Variants in MEGF10 observed in about 807,000 individuals in gnomAD.
MEGF10 encodes multiple epidermal growth factor-like domains protein 10.
A neutral mutation model predicts 147.5 loss-of-function variants in MEGF10; 86 were observed. The ratio of observed to expected loss-of-function variants is 0.58; its 90% CI spans 0.49 to 0.70. The LOEUF is 0.70. Ranked by LOEUF, MEGF10 falls within the 30% of genes least tolerant of loss-of-function variation. MEGF10 has a pLI of 0.00. For synonymous variants in MEGF10, 478 were observed against 525.5 expected, an observed-to-expected ratio of 0.91 and a Z score of 1.24; for missense variants, 1,329 against 1,487.3, an observed-to-expected ratio of 0.89 and a Z score of 1.75.
chr5:127,433,232 T>G, intron 13 of MEGF10, 131 bp from the exon 14 acceptor site: 1 of 1,026,030 alleles, frequency 9.7e-7, no homozygotes, highest in Non-Finnish European at 1.5e-6. Flanking sequence ...TATAAGATGG[T>G]AACTCTCCAT....
rs934755619 is a variant in MEGF10, at chr5:127,458,121, A to G, written c.*803A>G. The G allele has an allele frequency of 2.0e-5, 3 of 152,224 alleles. No homozygotes were observed. The highest frequency in any genetic ancestry group is 7.2e-5 in the African/African-American group (3 of 41,460). The allele number at this position is 152,224 out of a possible 1,614,324, so 9.4% of individuals were successfully genotyped here. A position where few individuals can be genotyped will look rare whatever the true frequency, so the allele number is the denominator to read the frequency against. Reference sequence around the variant, plus strand: ...ATATTCACCACTTGAGATTCATAACATATCAATAGTTATTTCATAAATATA... The same window carrying G: ...ATATTCACCACTTGAGATTCATAACGTATCAATAGTTATTTCATAAATATA... On this transcript the variant is annotated 3_prime_UTR_variant, in exon 25 of 25. Coordinates refer to ENST00000503335, the MANE Select transcript of MEGF10 (RefSeq NM_001256545.2).
intron 4 of MEGF10, among the ~76,000 whole-genome samples, chr5:127,355,998 T>A (rs1413323169): frequency 2.0e-5 from 3 of 152,228 alleles, no homozygotes; most frequent in African/African-American, 7.2e-5. Flanking sequence ...ACAGGCCTAA[T>A]AATTTATGCA....
At position 127,447,608 on chromosome 5, in the gene MEGF10, A is replaced by G. The variant is rs745945422; in HGVS notation, c.2780A>G (p.Asn927Ser). The change falls in exon 21 of 25, where the codon AAT becomes AGT. Residue 927 changes from asparagine to serine, a missense_variant. Around this residue, in one of 3 missense-constraint regions of MEGF10, gnomAD observed 343 missense variants for 377.9 expected, o/e 0.91. Transcript: ENST00000503335. ...AACGCTAATAGCCACTACTTCACCA[A>G]TCCCAGTTACCACACGCTCACCCAG... ...GGNANSHYFT[N>S]PSYHTLTQCA... The G allele has an allele frequency of 8.1e-6, 13 of 1,613,928 alleles. No individual in the cohort carries two copies. The highest frequency in any genetic ancestry group is 1.1e-5 in the Non-Finnish European group (13 of 1,179,982).
chr5:127,457,528 C>T lies in MEGF10; in HGVS notation c.*210C>T. The T allele has an allele frequency of 1.9e-6, 1 of 532,996 alleles. No homozygotes were observed. Among genetic ancestry groups the T allele is most frequent in the Non-Finnish European group, 3.3e-6 (1 of 303,390 alleles). 33.0% of individuals were successfully genotyped at this position (532,996 alleles called of 1,614,324 possible). On this transcript the variant is annotated 3_prime_UTR_variant, in exon 25 of 25. Transcript: ENST00000503335. ...TCGAAGGAGTTAGAGATGTGATTTCCCATTGCTGTTAGTTTTAGAACTATA... is the reference window on the plus strand; with the variant it reads ...TCGAAGGAGTTAGAGATGTGATTTCTCATTGCTGTTAGTTTTAGAACTATA...
intron 5 of MEGF10, among the ~76,000 whole-genome samples, chr5:127,384,154 G>T (rs948637390): frequency 6.6e-6 from 1 of 152,056 alleles, no homozygotes; most frequent in African/African-American, 2.4e-5. Flanking sequence ...ATCCTGTCTC[G>T]TAACACCTAG....
intron 14 of MEGF10, 76 bp downstream of exon 14, chr5:127,433,585 A>G: frequency 6.6e-7 from 1 of 1,508,126 alleles, no homozygotes; most frequent in Non-Finnish European, 8.9e-7. Flanking sequence ...TCTCTGTCCC[A>G]CCTCTCAGTT....
the MEGF10 span, among the ~76,000 whole-genome samples, chr5:127,283,929 C>T: frequency 3.3e-5 from 5 of 152,104 alleles, no homozygotes; most frequent in African/African-American, 9.7e-5. Context: ...GGGAAATAAA[C>T]GGATGAATTT....
intron 13 of MEGF10, among the ~76,000 whole-genome samples, chr5:127,428,843 A>C (rs1363949764): frequency 6.6e-6 from 1 of 152,268 alleles, no homozygotes; most frequent in Admixed American, 6.5e-5. Context: ...GCATTCATGC[A>C]ATCACAAATG....
chr5:127,267,725 ACT>A, the MEGF10 span, among the ~76,000 whole-genome samples: 3 of 151,768 alleles, frequency 2.0e-5, no homozygotes, highest in Non-Finnish European at 4.4e-5. Context: ...TGTTTATAGT[ACT>A]CTCTGATGGT....
At chr5:127,305,837 C>T (rs1364194800) in intron 1 of MEGF10, among the ~76,000 whole-genome samples, 1 of 152,178 alleles carries the variant, frequency 6.6e-6, no homozygotes, top group African/African-American at 2.4e-5. Flanking sequence ...CCATCTAGGT[C>T]TAGTTGTCAC....
At chr5:127,249,941 T>G in the MEGF10 span, among the ~76,000 whole-genome samples, 1 of 152,070 alleles carries the variant, frequency 6.6e-6, no homozygotes, top group Non-Finnish European at 1.5e-5. Flanking sequence ...AATGCAAATT[T>G]ACCCCTTTAT....
chr5:127,375,839 A>G (rs1030682231), intron 5 of MEGF10, among the ~76,000 whole-genome samples: 3 of 152,194 alleles, frequency 2.0e-5, no homozygotes, highest in African/African-American at 7.2e-5. Flanking sequence ...AAGGAACCAT[A>G]TGATTCTATA....
chr5:127,375,409 T>C (rs1271864536), intron 5 of MEGF10, among the ~76,000 whole-genome samples: 6 of 152,194 alleles, frequency 3.9e-5, no homozygotes, highest in African/African-American at 1.4e-4. Context: ...ATTCTCTGTA[T>C]AAAAAACCAG....
chr5:127,298,330 C>T (rs1260199444), intron 1 of MEGF10, among the ~76,000 whole-genome samples: 1 of 152,200 alleles, frequency 6.6e-6, no homozygotes, highest in Non-Finnish European at 1.5e-5. Context: ...CTGTCTTCGT[C>T]TCAGGTGTTT....
Position 127,369,957 on chromosome 5 carries a change from AC to A in MEGF10, c.369del (p.Cys124ValfsTer212). On this transcript the variant is annotated frameshift_variant, in exon 5 of 25. Transcript: ENST00000503335. LOFTEE classifies it high-confidence loss of function. ...CVHGRCIAPN[T>X]CQCEPGWGGT... ...CCATGGTCGCTGTATTGCTCCAAAC[AC>A]CTGTCAGTGTGAGCCTGGCTGGGGA... 6.2e-7 allele frequency: 1 copy of A among 1,612,992 alleles called. No homozygotes were observed. The highest frequency in any genetic ancestry group is 8.5e-7 in the Non-Finnish European group (1 of 1,179,422).
intron 4 of MEGF10, among the ~76,000 whole-genome samples, chr5:127,369,144 A>G (rs1762759628): frequency 2.6e-5 from 4 of 152,176 alleles, no homozygotes; most frequent in South Asian, 4.1e-4. Flanking sequence ...AATTATGTAT[A>G]TATCCAGATA....
the MEGF10 span, among the ~76,000 whole-genome samples, chr5:127,269,926 G>T: frequency 2.0e-5 from 3 of 152,112 alleles, no homozygotes; most frequent in Admixed American, 1.3e-4. Flanking sequence ...GGGGCCAATA[G>T]TCAACATTCT....
the MEGF10 span, among the ~76,000 whole-genome samples, chr5:127,251,175 G>C: frequency 1.3e-5 from 2 of 152,048 alleles, no homozygotes; most frequent in African/African-American, 4.8e-5. Flanking sequence ...AGGGAAACTT[G>C]TCTTTCAAAA....
At chr5:127,305,181 C>T (rs1274627935) in intron 1 of MEGF10, among the ~76,000 whole-genome samples, 1 of 152,116 alleles carries the variant, frequency 6.6e-6, no homozygotes, top group East Asian at 1.9e-4. Flanking sequence ...TAAAATTCCC[C>T]CAAGACTCAT....
Sources: allele counts gnomAD v4.1 joint callset (sites outside exome capture counted in the v4.1 genomes callset), GRCh38; gene constraint gnomAD v4.1.1; regional missense constraint gnomAD v4.1.1; transcripts MANE v1.5; gene names NCBI Gene and HGNC (gene_info 2026-07-23, HGNC 2026-07-21).